LTBP1: variants seen among roughly 807,000 people sequenced by gnomAD.
The protein encoded by LTBP1 is latent transforming growth factor beta binding protein 1.
LTBP1 carries 129 observed loss-of-function variants against 207.6 expected under a neutral mutation model. The ratio of observed to expected loss-of-function variants is 0.62; its 90% CI spans 0.54 to 0.72. LTBP1 has a LOEUF of 0.72. Ranked by LOEUF, LTBP1 falls within the 30% of genes least tolerant of loss-of-function variation. The pLI, the probability that LTBP1 is intolerant of heterozygous loss-of-function variation, is 0.00. For synonymous variants in LTBP1, 963 were observed against 833.7 expected (o/e 1.16, Z -2.67); for missense variants, 2,281 against 2,217.2 (o/e 1.03, Z -0.58).
chr2:33,072,766 C>T (rs893283239), intron 3 of LTBP1, among the ~76,000 whole-genome samples: 7 of 152,158 alleles, frequency 4.6e-5, no homozygotes, highest in African/African-American at 1.7e-4. Flanking sequence ...CACGCAAGTA[C>T]TCTCAGAAAC....
chr2:33,012,857 T>C (rs1247510917), intron 2 of LTBP1, among the ~76,000 whole-genome samples: 1 of 152,226 alleles, frequency 6.6e-6, no homozygotes, highest in Non-Finnish European at 1.5e-5. Flanking sequence ...TCATCATACA[T>C]ATATACTAGC....
In LTBP1 at chr2:33,018,089, G is replaced by A. The variant is rs114275734; in HGVS notation, c.566-2820G>A. ...TACAAAGGGAGGTATTATATACATA[G>A]CTGTAATATTATATAACACGTTCTT... On this transcript the variant is annotated intron_variant, in intron 2 of 33. Coordinates refer to ENST00000404816, the MANE Select transcript of LTBP1 (RefSeq NM_206943.4). 4.1e-3 allele frequency among the ~76,000 whole-genome samples: 619 copies of A among 152,006 alleles called. 8 individuals carry two copies. Among genetic ancestry groups the A allele is most frequent in the African/African-American group, 0.014 (601 of 41,478 alleles).
chr2:33,185,077 G>A (rs754975409), intron 5 of LTBP1, among the ~76,000 whole-genome samples: 3 of 152,212 alleles, frequency 2.0e-5, no homozygotes, highest in South Asian at 2.1e-4. Context: ...AGGCCAGATG[G>A]AAAGAATGTT....
chr2:33,223,548 T>C (rs550559171), intron 9 of LTBP1, among the ~76,000 whole-genome samples: 1 of 152,302 alleles, frequency 6.6e-6, no homozygotes, highest in African/African-American at 2.4e-5. Flanking sequence ...ATTAATTAGA[T>C]GGATGAATGA....
At chr2:33,348,829 AG>A (rs1348415582) in intron 26 of LTBP1, among the ~76,000 whole-genome samples, 1 of 152,216 alleles carries the variant, frequency 6.6e-6, no homozygotes, top group Middle Eastern at 3.2e-3. Flanking sequence ...ATACATAAAA[AG>A]GTAATTGTTG....
intron 3 of LTBP1, among the ~76,000 whole-genome samples, chr2:33,110,295 T>TGTGC (rs1300631946): frequency 1.3e-5 from 2 of 152,220 alleles, no homozygotes; most frequent in African/African-American, 4.8e-5. Context: ...TTATGGCAGT[T>TGTGC]GTGCTCTGAA....
At chr2:33,160,254 C>G (rs1558728024) in intron 5 of LTBP1, among the ~76,000 whole-genome samples, 1 of 152,198 alleles carries the variant, frequency 6.6e-6, no homozygotes, top group Non-Finnish European at 1.5e-5. Context: ...ATTTCCATTT[C>G]TGTAGCCACG....
chr2:32,990,657 AGTAT>A (rs1354084216), intron 2 of LTBP1, among the ~76,000 whole-genome samples: 2 of 152,200 alleles, frequency 1.3e-5, no homozygotes, highest in Non-Finnish European at 2.9e-5. Context: ...TAAATAAATG[AGTAT>A]GTGTGTGTGG....
At chr2:33,262,858 T>C in intron 14 of LTBP1, 37 bp downstream of exon 14, 2 of 1,464,816 alleles carry the variant, frequency 1.4e-6, no homozygotes, top group African/African-American at 1.4e-5. Context: ...GTCAGAGTAT[T>C]CTGAATAAAA....
intron 7 of LTBP1, among the ~76,000 whole-genome samples, chr2:33,195,135 A>G (rs74421729): frequency 2.8e-3 from 430 of 152,344 alleles, no homozygotes; most frequent in Non-Finnish European, 3.5e-3. Flanking sequence ...GAGATGTACA[A>G]AAAGATGAAT....
At chr2:33,040,862 G>A (rs2076148586) in intron 3 of LTBP1, among the ~76,000 whole-genome samples, 1 of 152,158 alleles carries the variant, frequency 6.6e-6, no homozygotes. Flanking sequence ...GGGAGGTTTG[G>A]TGGGATGATA....
At position 33,021,213 on chromosome 2, in the gene LTBP1, G is replaced by C; in HGVS notation, c.863+7G>C. On this transcript the variant is annotated splice_region_variant and intron_variant, in intron 3 of 33. Coordinates refer to ENST00000404816, the MANE Select transcript of LTBP1 (RefSeq NM_206943.4). Reference sequence around the variant, plus strand: ...CCCAGCAGATACATTCTCAGTGAGTGTTTCGAACTTTCATTTAGCTAAGGA... The same window carrying C: ...CCCAGCAGATACATTCTCAGTGAGTCTTTCGAACTTTCATTTAGCTAAGGA... The C allele has an allele frequency of 6.4e-7, 1 of 1,572,252 alleles. No individual in the cohort carries two copies. The highest frequency in any genetic ancestry group is 1.2e-5 in the South Asian group (1 of 84,586).
chr2:33,248,686 A>C (rs1220455733), intron 10 of LTBP1, among the ~76,000 whole-genome samples: 1 of 150,988 alleles, frequency 6.6e-6, no homozygotes, highest in Non-Finnish European at 1.5e-5. Flanking sequence ...TCCTGGGTTC[A>C]AGTGATTCTT....
rs541765037 is a variant in LTBP1, at chr2:33,174,469, A to G, written c.1202-12387A>G. 7.8e-3 allele frequency among the ~76,000 whole-genome samples: 1,182 copies of G among 152,258 alleles called. 15 individuals are homozygous for G. Among genetic ancestry groups the G allele is most frequent in the African/African-American group, 0.027 (1,109 of 41,560 alleles). Reference sequence around the variant, plus strand: ...TACAAGGGATGTGAAGGACCTCTTCAAGGAGAACTACAAACCACTGCTCAA... The same window carrying G: ...TACAAGGGATGTGAAGGACCTCTTCGAGGAGAACTACAAACCACTGCTCAA... On this transcript the variant is annotated intron_variant, in intron 5 of 33. Transcript: ENST00000404816.
At chr2:33,308,828 A>T (rs1304352284) in intron 22 of LTBP1, among the ~76,000 whole-genome samples, 2 of 152,214 alleles carry the variant, frequency 1.3e-5, no homozygotes, top group Admixed American at 1.3e-4. Context: ...ATAATACAGA[A>T]GCTTGTATAA....
chr2:33,217,751 A>T lies in LTBP1; in HGVS notation c.1804+97A>T, dbSNP rs192207446. The T allele has an allele frequency of 8.7e-3, 7,665 of 883,524 alleles. 65 individuals are homozygous for T. The highest frequency in any genetic ancestry group is 0.012 in the Non-Finnish European group (6,452 of 552,380). The allele number at this position is 883,524 out of a possible 1,614,324, so 54.7% of individuals were successfully genotyped here. ...ATGAGGCAATATTAGACTTTCAAAG[A>T]ACTCTCCTACTGAATTCTAGAATGT... On this transcript the variant is annotated intron_variant, in intron 8 of 33. Transcript: ENST00000404816.
chr2:33,021,755 G>A (rs1357999848), intron 3 of LTBP1, among the ~76,000 whole-genome samples: 1 of 151,920 alleles, frequency 6.6e-6, no homozygotes, highest in East Asian at 1.9e-4. Flanking sequence ...GTCCATTTTT[G>A]GTGAATGAGC....
chr2:33,129,239 C>T lies in LTBP1; in HGVS notation c.1034-5554C>T, dbSNP rs138690722. On this transcript the variant is annotated intron_variant, in intron 4 of 33. Transcript: ENST00000404816. ...AATATTTTTCTTTAACATTATAGATCCTGAAGGGGTTCAACTGTCCAGGCA... is the reference window on the plus strand; with the variant it reads ...AATATTTTTCTTTAACATTATAGATTCTGAAGGGGTTCAACTGTCCAGGCA... 3.3e-3 allele frequency among the ~76,000 whole-genome samples: 501 copies of T among 152,254 alleles called. 4 individuals are homozygous for T. The highest frequency in any genetic ancestry group is 0.011 in the African/African-American group (461 of 41,548).
chr2:32,967,780 GTA>G (rs1221901600), intron 2 of LTBP1, among the ~76,000 whole-genome samples: 1 of 152,174 alleles, frequency 6.6e-6, no homozygotes, highest in Non-Finnish European at 1.5e-5. Flanking sequence ...TGAGTAAAAT[GTA>G]TATTCTGCTG....
Sources: gnomAD v4.1 joint callset for allele counts (sites outside exome capture counted in the v4.1 genomes callset) on GRCh38, gnomAD v4.1.1 for gene constraint, MANE v1.5 for transcripts, NCBI Gene and HGNC (gene_info 2026-07-23, HGNC 2026-07-21) for gene names.